LAMA5: variants seen among roughly 807,000 people sequenced by gnomAD.
LAMA5 encodes the protein laminin subunit alpha 5.
A neutral mutation model predicts 433.4 loss-of-function variants in LAMA5; 260 were observed. That is an observed-to-expected ratio of 0.60 (90% confidence interval 0.54 to 0.66). The LOEUF is 0.66. Ranked by LOEUF, LAMA5 falls within the 30% of genes least tolerant of loss-of-function variation. The pLI, the probability that LAMA5 is intolerant of heterozygous loss-of-function variation, is 0.00. For synonymous variants in LAMA5, 2,620 were observed against 2,226.6 expected, an observed-to-expected ratio of 1.18 and a Z score of -4.97; for missense variants, 5,378 against 5,258.5, an observed-to-expected ratio of 1.02 and a Z score of -0.70.
Position 62,310,159 on chromosome 20 carries a change from C to A in LAMA5, c.10734+19G>T. 6.2e-7 allele frequency: 1 copy of A among 1,612,134 alleles called. No individual in the cohort carries two copies. The highest frequency in any genetic ancestry group is 1.1e-5 in the South Asian group (1 of 91,090). On this transcript the variant is annotated intron_variant, in intron 77 of 79. Coordinates refer to ENST00000252999, the MANE Select transcript of LAMA5 (RefSeq NM_005560.6). ...GGGAGGCAAACCCTGCCCTGGCACG[C>A]CACCTCTGCCAGGCTTACTTGCTTC...
At chr20:62,330,288 G>A (rs1470550789) in intron 31 of LAMA5, among the ~76,000 whole-genome samples, 200 bp downstream of exon 31, 1 of 152,276 alleles carries the variant, frequency 6.6e-6, no homozygotes, top group Non-Finnish European at 1.5e-5. Flanking sequence ...ACGAGACAGA[G>A]GCGAGACCCA....
Position 62,320,732 on chromosome 20 carries a change from T to A in LAMA5, c.6648+7A>T. 6.2e-7 allele frequency: 1 copy of A among 1,612,548 alleles called. No homozygotes were observed. Among genetic ancestry groups the A allele is most frequent in the Non-Finnish European group, 8.5e-7 (1 of 1,179,848 alleles). On this transcript the variant is annotated splice_region_variant and intron_variant, in intron 49 of 79. Coordinates refer to ENST00000252999, the MANE Select transcript of LAMA5 (RefSeq NM_005560.6). ...GGTTGGGGAGGGAAGGCCAGGACGC[T>A]CAGTACCTGCAGGTCAGCGATGGAG...
intron 1 of LAMA5, among the ~76,000 whole-genome samples, chr20:62,364,227 A>C (rs79362003): frequency 0.015 from 2,243 of 152,274 alleles, 50 homozygotes; most frequent in African/African-American, 0.05. Context: ...CAATGACAGC[A>C]CGGCGCACAC....
chr20:62,331,693 G>A (rs949784682), intron 28 of LAMA5, among the ~76,000 whole-genome samples: 3 of 152,218 alleles, frequency 2.0e-5, no homozygotes, highest in Non-Finnish European at 2.9e-5. Flanking sequence ...CTCGGAACAC[G>A]GCAACTTATC....
Position 62,328,910 on chromosome 20 carries a change from C to T in LAMA5, c.4381G>A (p.Ala1461Thr). Residue 1461 changes from alanine (A) to threonine (T), a missense_variant, in exon 34 of 80, where the codon GCC (alanine) becomes ACC (threonine). Transcript: ENST00000252999. ...GAGCAGTCACGGCCAATGACATGGGCATGGCAGGGACACTGGCCCCCGAAG... is the reference window on the plus strand; with the variant it reads ...GAGCAGTCACGGCCAATGACATGGGTATGGCAGGGACACTGGCCCCCGAAG... Reference protein sequence around the residue: ...EPFGGQCPCHAHVIGRDCSRC... With the variant: ...EPFGGQCPCHTHVIGRDCSRC... 6.2e-7 allele frequency: 1 copy of T among 1,611,704 alleles called. No individual in the cohort carries two copies. The highest frequency in any genetic ancestry group is 8.5e-7 in the Non-Finnish European group (1 of 1,179,312).
chr20:62,329,824 C>G lies in LAMA5; in HGVS notation c.4072G>C (p.Glu1358Gln), dbSNP rs757478552. The change falls in exon 32 of 80, where the codon GAG becomes CAG. Residue 1358 changes from glutamate (E) to glutamine (Q), a missense_variant. Coordinates refer to ENST00000252999, the MANE Select transcript of LAMA5 (RefSeq NM_005560.6). ...GGCACACGCACGGTCACAGTGAGCT[C>G]GCTGTGGGTCACGTCCAGCAGGGCC... is the stretch of plus-strand genomic sequence containing the variant. ...GQALLDVTHS[E>Q]LTVTVRVPKG... The G allele has an allele frequency of 6.2e-7, 1 of 1,612,380 alleles. No individual in the cohort carries two copies. Among genetic ancestry groups the G allele is most frequent in the Non-Finnish European group, 8.5e-7 (1 of 1,179,746 alleles).
In LAMA5 at chr20:62,325,845, T is replaced by C. The variant is rs375433439; in HGVS notation, c.5299-299A>G. ...TTTCTGATCAAGTAGTGACAAATACTTTCTTAAACAAGATGCAAAAACGCT... is the reference window on the plus strand; with the variant it reads ...TTTCTGATCAAGTAGTGACAAATACCTTCTTAAACAAGATGCAAAAACGCT... On this transcript the variant is annotated intron_variant, in intron 40 of 79. Transcript: ENST00000252999. 5.9e-5 allele frequency among the ~76,000 whole-genome samples: 9 copies of C among 152,344 alleles called. No homozygotes were observed. In the East Asian group the frequency reaches 1.5e-3, roughly 26 times the overall value.
chr20:62,317,702 C>T lies in LAMA5; in HGVS notation c.7316G>A (p.Ser2439Asn). The change falls in exon 54 of 80, where the codon AGC (serine) becomes AAC (asparagine). Residue 2439 changes from serine to asparagine, a missense_variant. Ser to Asn is a conservative substitution (Grantham distance 46). Coordinates refer to ENST00000252999, the MANE Select transcript of LAMA5 (RefSeq NM_005560.6). ...TLHAARDTLASVFRLLHSLDQ... is the reference protein window; with the variant it reads ...TLHAARDTLANVFRLLHSLDQ... ...CAGGCTGTGCAGCAATCTGAAGACG[C>T]TGGCCAGGGTGTCCCTAGCCGCATG... The T allele has an allele frequency of 3.7e-6, 6 of 1,603,492 alleles. No individual in the cohort carries two copies. Among genetic ancestry groups the T allele is most frequent in the South Asian group, 3.3e-5 (3 of 89,656 alleles).
chr20:62,336,804 T>A lies in LAMA5; in HGVS notation c.2165-18A>T. ...AGAGCCAGCTGTGAAGAGAGGACCA[T>A]GCCTCGGTCATTTCCCAGTGACCAA... On this transcript the variant is annotated intron_variant, in intron 16 of 79. Transcript: ENST00000252999. 1 of 1,611,682 alleles carries A rather than the reference T, an allele frequency of 6.2e-7. No homozygotes were observed. The highest frequency in any genetic ancestry group is 8.5e-7 in the Non-Finnish European group (1 of 1,179,776).
intron 65 of LAMA5, 31 bp downstream of exon 65, chr20:62,313,057 G>A (rs375014615): frequency 1.6e-5 from 25 of 1,604,212 alleles, no homozygotes; most frequent in African/African-American, 8.0e-5. Flanking sequence ...CAGTGCAAGT[G>A]GGGATGGCAG....
chr20:62,347,192 CCA>C (rs1273067116), intron 6 of LAMA5, among the ~76,000 whole-genome samples, 164 bp from the exon 7 acceptor site: 1 of 152,188 alleles, frequency 6.6e-6, no homozygotes, highest in Non-Finnish European at 1.5e-5. Flanking sequence ...AAGCGCTCGC[CCA>C]GACTCAGCGT....
chr20:62,325,784 A>G (rs960855565), intron 40 of LAMA5, among the ~76,000 whole-genome samples: 1 of 152,184 alleles, frequency 6.6e-6, no homozygotes, highest in Non-Finnish European at 1.5e-5. Flanking sequence ...CACAAAGAGA[A>G]CAGCCAAGCT....
intron 2 of LAMA5, chr20:62,356,439 G>C (rs1313505429): frequency 6.6e-6 from 1 of 151,864 alleles, no homozygotes; most frequent in Non-Finnish European, 1.5e-5. Context: ...GTTCTGTGCA[G>C]AAAGAAAAAA....
Position 62,309,786 on chromosome 20 carries a change from G to A in LAMA5, c.10878C>T (p.Asn3626=). ...VLRLEVDAQS[N]HTVGPLLAAA... Reference sequence around the variant, plus strand: ...CCGCCAGCAAGGGGCCCACGGTGTGGTTGCTCTGCGCGTCCACCTCCAGCC... The same window carrying A: ...CCGCCAGCAAGGGGCCCACGGTGTGATTGCTCTGCGCGTCCACCTCCAGCC... Residue 3626 remains asparagine (N), a synonymous_variant, in exon 79 of 80, where the codon AAC becomes AAT. Coordinates refer to ENST00000252999, the MANE Select transcript of LAMA5 (RefSeq NM_005560.6). The A allele has an allele frequency of 6.2e-7, 1 of 1,608,812 alleles. No homozygotes were observed. The highest frequency in any genetic ancestry group is 1.7e-5 in the Admixed American group (1 of 58,534).
At position 62,329,147 on chromosome 20, in the gene LAMA5, T is replaced by C; in HGVS notation, c.4226A>G (p.Tyr1409Cys). ...DFISHCAAQG[Y>C]HISPSSSSLF... Reference sequence around the variant, plus strand: ...CCAGAGCCCTGCCCACCTGATGTGGTAGCCCTGGGCTGCGCAGTGGCTGAT... The same window carrying C: ...CCAGAGCCCTGCCCACCTGATGTGGCAGCCCTGGGCTGCGCAGTGGCTGAT... Residue 1409 changes from tyrosine to cysteine, a missense_variant, in exon 33 of 80, where the codon TAC becomes TGC. By Grantham distance (194) the Tyr-to-Cys change is radical. Coordinates refer to ENST00000252999, the MANE Select transcript of LAMA5 (RefSeq NM_005560.6). 2 of 1,612,566 alleles carry C rather than the reference T, an allele frequency of 1.2e-6. No homozygotes were observed. The highest frequency in any genetic ancestry group is 4.5e-5 in the East Asian group (2 of 44,878).
intron 16 of LAMA5, 118 bp downstream of exon 16, chr20:62,337,472 C>T (rs192871715): frequency 1.2e-5 from 16 of 1,355,836 alleles, no homozygotes; most frequent in East Asian, 5.0e-5. Context: ...GGGACGCAGT[C>T]GCAGTACACA....
intron 79 of LAMA5, 98 bp downstream of exon 79, chr20:62,309,618 A>AGGGGGCAGGGGGAGGAGGGTGGGG (rs1985927362): frequency 5.7e-6 from 2 of 351,732 alleles, no homozygotes; most frequent in Non-Finnish European, 9.0e-6. Flanking sequence ...GGAGGGTGGG[A>AGGGGGCAGGGGGAGGAGGGTGGGG]GGGGGCAGGG....
Position 62,338,265 on chromosome 20 carries a change from C to T in LAMA5, c.1723G>A (p.Ala575Thr). Residue 575 changes from alanine to threonine, a missense_variant, in exon 13 of 80, where the codon GCC becomes ACC. Physicochemically the swap from Ala to Thr is moderately conservative, Grantham distance 58. Transcript: ENST00000252999. ...AGAGGGAAGTGAAAGTAGCCGGGGG[C>T]ACAGCGATCACATGTGGCCCCCTCG... ...GFEGATCDRC[A>T]PGYFHFPLCQ... The T allele has an allele frequency of 2.5e-6, 4 of 1,600,134 alleles. No homozygotes were observed. Among genetic ancestry groups the T allele is most frequent in the Non-Finnish European group, 3.4e-6 (4 of 1,172,920 alleles).
intron 6 of LAMA5, among the ~76,000 whole-genome samples, chr20:62,348,679 G>A (rs1203722039): frequency 6.6e-6 from 1 of 151,836 alleles, no homozygotes; most frequent in Non-Finnish European, 1.5e-5. Flanking sequence ...TGGAAAACAG[G>A]CAGATGTGAA....
Sources: gnomAD v4.1 joint callset for allele counts (sites outside exome capture counted in the v4.1 genomes callset) on GRCh38, gnomAD v4.1.1 for gene constraint, MANE v1.5 for transcripts, NCBI Gene and HGNC (gene_info 2026-07-23, HGNC 2026-07-21) for gene names.